The following AP1G1 variants were observed in gnomAD, a reference collection of about 807,000 sequenced individuals.
AP1G1 encodes the protein adaptor related protein complex 1 subunit gamma 1, also known as AP-1 complex subunit gamma-1.
AP1G1 carries 7 observed loss-of-function variants against 108.3 expected under a neutral mutation model. The ratio of observed to expected loss-of-function variants is 0.06; its 90% CI spans 0.04 to 0.12. The LOEUF is 0.12. AP1G1 is among the 10% of genes least tolerant of loss of function. AP1G1 has a pLI of 1.00. For missense variants in AP1G1, 756 were observed against 1,010.7 expected, an observed-to-expected ratio of 0.75 and a Z score of 3.42; for synonymous variants, 379 against 353.5, an observed-to-expected ratio of 1.07 and a Z score of -0.81.
At chr16:71,780,051 T>C (rs2031951275) in intron 2 of AP1G1, among the ~76,000 whole-genome samples, 1 of 148,764 alleles carries the variant, frequency 6.7e-6, no homozygotes, top group South Asian at 2.1e-4. Context: ...TGGGGTGCAG[T>C]GGTGCGATCT....
At chr16:71,769,838 T>C (rs1366432813) in intron 5 of AP1G1, 139 bp from the exon 6 acceptor site, 6 of 621,376 alleles carry the variant, frequency 9.7e-6, no homozygotes, top group Middle Eastern at 4.4e-4. Flanking sequence ...CATCTAAGCA[T>C]TGAAGTGAAT....
At chr16:71,804,891 C>A (rs1419720062) in intron 1 of AP1G1, among the ~76,000 whole-genome samples, 3 of 152,038 alleles carry the variant, frequency 2.0e-5, no homozygotes, top group African/African-American at 7.2e-5. Context: ...GCCTACAGTC[C>A]CAGCTACTTA....
At chr16:71,801,388 G>A (rs1567666155) in intron 1 of AP1G1, among the ~76,000 whole-genome samples, 1 of 150,322 alleles carries the variant, frequency 6.7e-6, no homozygotes, top group Non-Finnish European at 1.5e-5. Flanking sequence ...TCTCTCTTTA[G>A]TAAAAACAAA....
chr16:71,753,897 A>G lies in AP1G1; in HGVS notation c.1230-10T>C. 6.2e-7 allele frequency: 1 copy of G among 1,613,642 alleles called. No individual in the cohort carries two copies. The highest frequency in any genetic ancestry group is 1.3e-5 in the African/African-American group (1 of 75,022). ...TTTGGAAGGTGCATACCTGAAAAAA[A>G]CAATGGAAAGGGACACTTGGAACCA... On this transcript the variant is annotated splice_polypyrimidine_tract_variant and intron_variant, in intron 12 of 22. Coordinates refer to ENST00000299980, the MANE Select transcript of AP1G1 (RefSeq NM_001128.6).
intron 12 of AP1G1, among the ~76,000 whole-genome samples, chr16:71,755,061 T>A (rs1031543192): frequency 1.3e-5 from 2 of 152,214 alleles, no homozygotes; most frequent in African/African-American, 4.8e-5. Flanking sequence ...ACTAAAATCA[T>A]AAGGTACTTC....
intron 19 of AP1G1, among the ~76,000 whole-genome samples, chr16:71,744,485 G>C (rs1415200283): frequency 6.6e-6 from 1 of 151,614 alleles, no homozygotes; most frequent in Admixed American, 6.6e-5. Context: ...CCATTAGTGG[G>C]AAGGAACCAA....
At chr16:71,797,167 C>T (rs1462247855) in intron 1 of AP1G1, among the ~76,000 whole-genome samples, 1 of 151,826 alleles carries the variant, frequency 6.6e-6, no homozygotes, top group East Asian at 1.9e-4. Context: ...ATCTTATTAG[C>T]AAAACCATAC....
intron 1 of AP1G1, among the ~76,000 whole-genome samples, chr16:71,792,665 C>G (rs1359029157): frequency 6.6e-6 from 1 of 151,982 alleles, no homozygotes; most frequent in African/African-American, 2.4e-5. Context: ...ACCAGCCTGG[C>G]CAACATGGCA....
At chr16:71,753,719 T>A in intron 13 of AP1G1, 114 bp downstream of exon 13, 1 of 886,408 alleles carries the variant, frequency 1.1e-6, no homozygotes, top group South Asian at 1.5e-5. Context: ...TAACTGACAT[T>A]AATGTTACCT....
intron 19 of AP1G1, among the ~76,000 whole-genome samples, chr16:71,744,621 T>A (rs1444565692): frequency 7.3e-6 from 1 of 137,906 alleles, no homozygotes; most frequent in African/African-American, 2.7e-5. Context: ...TCACCCAGGC[T>A]GCAGTACACA....
intron 10 of AP1G1, among the ~76,000 whole-genome samples, chr16:71,760,720 G>C (rs987847306): frequency 6.6e-6 from 1 of 151,402 alleles, no homozygotes; most frequent in African/African-American, 2.4e-5. Flanking sequence ...GCTCATTTTT[G>C]TATTTTTCTG....
chr16:71,785,189 AAAG>A (rs557431008), intron 2 of AP1G1, among the ~76,000 whole-genome samples: 87 of 152,192 alleles, frequency 5.7e-4, no homozygotes, highest in Non-Finnish European at 9.7e-4. Flanking sequence ...AAAGAAAAAA[AAAG>A]AAATAGCTGA....
intron 2 of AP1G1, among the ~76,000 whole-genome samples, chr16:71,788,259 T>C (rs373773130): frequency 1.1e-4 from 17 of 152,350 alleles, no homozygotes; most frequent in Admixed American, 9.2e-4. Context: ...AGTTGGGCAG[T>C]CTGTTCCTTA....
chr16:71,794,835 C>CCTTTTT lies in AP1G1; in HGVS notation c.-3-5354_-3-5353insAAAAAG, dbSNP rs574266046. On this transcript the variant is annotated intron_variant, in intron 1 of 22. Coordinates refer to ENST00000299980, the MANE Select transcript of AP1G1 (RefSeq NM_001128.6). ...TACCATTCTCAGGCCATGAGAAGTG[C>CCTTTTT]TTTTTTTTTTTTTTTTTTTTTTTTT... Among the ~76,000 whole-genome samples, 12 of 39,658 alleles carry CCTTTTT rather than the reference C, an allele frequency of 3.0e-4. 1 individual carries two copies. In the South Asian group the frequency reaches 0.014, roughly 46 times the overall value. The allele number at this position is 39,658 out of a possible 152,430, so 26.0% of individuals were successfully genotyped here.
At chr16:71,742,185 A>G (rs2029900283) in intron 19 of AP1G1, 1 of 152,116 alleles carries the variant, frequency 6.6e-6, no homozygotes. Context: ...AGTAGGAACA[A>G]AAAGAAAAGA....
At chr16:71,735,727 C>T (rs1466611246) in intron 21 of AP1G1, among the ~76,000 whole-genome samples, 1 of 151,614 alleles carries the variant, frequency 6.6e-6, no homozygotes, top group African/African-American at 2.4e-5. Flanking sequence ...ATTGTATGAA[C>T]TAGCATTTGA....
At chr16:71,771,097 A>C in intron 5 of AP1G1, 59 bp downstream of exon 5, 1 of 1,088,958 alleles carries the variant, frequency 9.2e-7, no homozygotes, top group Non-Finnish European at 1.4e-6. Flanking sequence ...CATAGCCTTA[A>C]GCCTTTTCTC....
intron 2 of AP1G1, among the ~76,000 whole-genome samples, chr16:71,781,853 G>A (rs1052678900): frequency 3.3e-5 from 5 of 152,158 alleles, no homozygotes; most frequent in East Asian, 1.9e-4. Flanking sequence ...ACCTAAGGAG[G>A]CTTGATCAAA....
intron 9 of AP1G1, among the ~76,000 whole-genome samples, chr16:71,762,780 C>T (rs2031148416): frequency 6.6e-6 from 1 of 152,118 alleles, no homozygotes; most frequent in South Asian, 2.1e-4. Flanking sequence ...AAAGTGTTTT[C>T]CTGAGTTCTG....
Sources: gnomAD v4.1 joint callset for allele counts (sites outside exome capture counted in the v4.1 genomes callset) on GRCh38, gnomAD v4.1.1 for gene constraint, MANE v1.5 for transcripts, NCBI Gene and HGNC (gene_info 2026-07-23, HGNC 2026-07-21) for gene names.